SH3GL2: variants seen among roughly 807,000 people sequenced by gnomAD.
SH3GL2 encodes the protein endophilin-A1.
A neutral mutation model predicts 46.0 loss-of-function variants in SH3GL2; 24 were observed. That is an observed-to-expected ratio of 0.52 (90% CI 0.38 to 0.73). The LOEUF (loss-of-function observed/expected upper bound fraction) is 0.73. Ranked by LOEUF, SH3GL2 falls within the 30% of genes least tolerant of loss-of-function variation. The pLI is 0.00. For synonymous variants in SH3GL2, 196 were observed against 147.1 expected, an observed-to-expected ratio of 1.33 and a Z score of -2.40; for missense variants, 413 against 424.2, an observed-to-expected ratio of 0.97 and a Z score of 0.23.
chr9:17,792,950 G>C (rs1824177577), intron 7 of SH3GL2, among the ~76,000 whole-genome samples: 1 of 152,180 alleles, frequency 6.6e-6, no homozygotes, highest in Non-Finnish European at 1.5e-5. Context: ...ATATTTATGA[G>C]ATACATGAGG....
intron 3 of SH3GL2, among the ~76,000 whole-genome samples, chr9:17,780,454 A>G (rs1344817436): frequency 6.7e-6 from 1 of 148,930 alleles, no homozygotes; most frequent in Non-Finnish European, 1.5e-5. Context: ...TTTTCTAGAT[A>G]TTTTGAATAG....
At chr9:17,794,241 T>G (rs1374845640) in intron 8 of SH3GL2, among the ~76,000 whole-genome samples, 4 of 152,220 alleles carry the variant, frequency 2.6e-5, no homozygotes. Context: ...CCTCCACATT[T>G]GCTTGTTTGA....
chr9:17,584,431 A>G (rs1304191503), intron 1 of SH3GL2, among the ~76,000 whole-genome samples: 1 of 152,182 alleles, frequency 6.6e-6, no homozygotes, highest in Non-Finnish European at 1.5e-5. Flanking sequence ...TGAACCCAGG[A>G]GGCCGAGGTT....
chr9:17,773,324 A>G (rs1006546971), intron 3 of SH3GL2, among the ~76,000 whole-genome samples: 48 of 152,172 alleles, frequency 3.2e-4, no homozygotes, highest in African/African-American at 1.1e-3. Flanking sequence ...GTGAAGTCCA[A>G]TTGTGTAATT....
intron 1 of SH3GL2, among the ~76,000 whole-genome samples, chr9:17,579,923 G>T (rs113017208): frequency 1.4e-4 from 21 of 152,330 alleles, no homozygotes; most frequent in Non-Finnish European, 2.9e-4. Context: ...CAAACAGTCT[G>T]CGGGTCTTAA....
intron 3 of SH3GL2, 46 bp from the exon 4 acceptor site, chr9:17,786,335 G>T: frequency 6.4e-7 from 1 of 1,571,302 alleles, no homozygotes; most frequent in Non-Finnish European, 8.6e-7. Context: ...TATTTCCGCA[G>T]TGTCACATTG....
intron 3 of SH3GL2, among the ~76,000 whole-genome samples, chr9:17,780,465 C>A (rs181377752): frequency 9.9e-4 from 134 of 135,576 alleles, no homozygotes; most frequent in Admixed American, 8.9e-3. Flanking sequence ...TTTTGAATAG[C>A]ACAGTTTTTT....
chr9:17,623,004 T>TCCTTC (rs1819184346), intron 1 of SH3GL2, among the ~76,000 whole-genome samples: 1 of 94,092 alleles, frequency 1.1e-5, no homozygotes, highest in East Asian at 2.7e-4. Context: ...TCCTTTCCTT[T>TCCTTC]CCTTTCCTTT....
At chr9:17,613,520 A>G (rs1479175894) in intron 1 of SH3GL2, among the ~76,000 whole-genome samples, 3 of 152,138 alleles carry the variant, frequency 2.0e-5, no homozygotes, top group Admixed American at 6.5e-5. Context: ...TGGTAATTCT[A>G]AGCACCCTAG....
intron 1 of SH3GL2, among the ~76,000 whole-genome samples, chr9:17,738,626 T>TTTTATATATATCTATA (rs58272546): frequency 4.0e-5 from 3 of 74,812 alleles, no homozygotes; most frequent in Non-Finnish European, 7.6e-5. Context: ...TCATGTGATT[T>TTTTATATATATCTATA]TATATATATA....
chr9:17,617,735 C>T (rs553712484), intron 1 of SH3GL2, among the ~76,000 whole-genome samples: 5 of 152,244 alleles, frequency 3.3e-5, no homozygotes, highest in Non-Finnish European at 7.4e-5. Context: ...TGACAAATTG[C>T]TTGCTTTTGG....
chr9:17,684,077 C>G (rs1820843306), intron 1 of SH3GL2, among the ~76,000 whole-genome samples: 1 of 152,074 alleles, frequency 6.6e-6, no homozygotes, highest in Non-Finnish European at 1.5e-5. Context: ...TAAAACAACA[C>G]ACATAAAAGA....
intron 1 of SH3GL2, among the ~76,000 whole-genome samples, chr9:17,603,161 A>T (rs1818700271): frequency 6.6e-6 from 1 of 152,216 alleles, no homozygotes; most frequent in Admixed American, 6.5e-5. Context: ...CTGATATGTT[A>T]AAATATGTTT....
At chr9:17,659,044 A>G (rs978758358) in intron 1 of SH3GL2, among the ~76,000 whole-genome samples, 4 of 152,206 alleles carry the variant, frequency 2.6e-5, no homozygotes, top group African/African-American at 9.7e-5. Flanking sequence ...GGAGAAGAAA[A>G]TGGTGATGGA....
chr9:17,768,386 A>T (rs1023733189), intron 3 of SH3GL2, among the ~76,000 whole-genome samples: 1 of 151,900 alleles, frequency 6.6e-6, no homozygotes, highest in Non-Finnish European at 1.5e-5. Context: ...AAAAAAAAAA[A>T]AAAAACACCA....
At chr9:17,669,622 A>G (rs1820423857) in intron 1 of SH3GL2, among the ~76,000 whole-genome samples, 1 of 152,180 alleles carries the variant, frequency 6.6e-6, no homozygotes, top group South Asian at 2.1e-4. Context: ...GTAGTAGTGT[A>G]TGGTATGGAT....
rs60772491 is a variant in SH3GL2, at chr9:17,677,624, G to GTATATATA, written c.46-69430_46-69423dup. 4.3e-3 allele frequency among the ~76,000 whole-genome samples: 632 copies of GTATATATA among 147,342 alleles called. 9 individuals carry two copies. Among genetic ancestry groups the GTATATATA allele is most frequent in the African/African-American group, 0.015 (598 of 40,538 alleles). The stretch of plus-strand genomic sequence containing the variant: ...TGTTACCTACTGTTTAAATTGTATG[G>GTATATATA]TATATATATATATATATATTTATAC... On this transcript the variant is annotated intron_variant, in intron 1 of 8. Transcript: ENST00000380607.
intron 1 of SH3GL2, among the ~76,000 whole-genome samples, chr9:17,716,692 G>A (rs1019861340): frequency 6.6e-6 from 1 of 152,154 alleles, no homozygotes; most frequent in Non-Finnish European, 1.5e-5. Context: ...TCTCAGTGCA[G>A]CTCTATTCAC....
At chr9:17,605,480 G>C (rs1588168022) in intron 1 of SH3GL2, among the ~76,000 whole-genome samples, 1 of 152,224 alleles carries the variant, frequency 6.6e-6, no homozygotes, top group Middle Eastern at 3.4e-3. Context: ...TATGATAGGG[G>C]TAAGAGGCTA....
Sources: allele counts gnomAD v4.1 joint callset (sites outside exome capture counted in the v4.1 genomes callset), GRCh38; gene constraint gnomAD v4.1.1; transcripts MANE v1.5; gene names NCBI Gene and HGNC (gene_info 2026-07-23, HGNC 2026-07-21).